Variants in SLC24A2 observed in about 807,000 individuals in gnomAD.
SLC24A2 encodes solute carrier family 24 member 2, also known as sodium/potassium/calcium exchanger 2.
Under a neutral mutation model 62.0 loss-of-function variants are expected in SLC24A2, and 36 were observed. The observed-to-expected ratio is 0.58, with a 90% CI of 0.44 to 0.77. SLC24A2 has a LOEUF of 0.77. Among genes scored for constraint, SLC24A2 ranks in the 30% least tolerant of loss-of-function variants. The pLI is 0.00. For missense variants in SLC24A2, 846 were observed against 817.9 expected, an observed-to-expected ratio of 1.03 and a Z score of -0.42; for synonymous variants, 358 against 294.0, an observed-to-expected ratio of 1.22 and a Z score of -2.23.
the SLC24A2 span, among the ~76,000 whole-genome samples, chr9:20,269,042 A>G: frequency 1.8e-4 from 27 of 152,218 alleles, no homozygotes; most frequent in African/African-American, 6.0e-4. Context: ...TTAGCAGTTA[A>G]GGATGCAATA....
At chr9:19,925,974 T>G in the SLC24A2 span, 1 of 152,158 alleles carries the variant, frequency 6.6e-6, no homozygotes, top group African/African-American at 2.4e-5. Context: ...TGTTCTTTAA[T>G]TGCACAGTAT....
chr9:19,820,609 A>C, the SLC24A2 span, among the ~76,000 whole-genome samples: 1 of 151,934 alleles, frequency 6.6e-6, no homozygotes, highest in African/African-American at 2.4e-5. Flanking sequence ...GAAAAACTTT[A>C]ATTAAAAAAA....
chr9:19,533,655 C>T (rs538463772), intron 8 of SLC24A2, among the ~76,000 whole-genome samples: 1 of 152,180 alleles, frequency 6.6e-6, no homozygotes, highest in South Asian at 2.1e-4. Flanking sequence ...CTGTACCAAC[C>T]AGCTCCCAGC....
the SLC24A2 span, among the ~76,000 whole-genome samples, chr9:19,941,484 C>G: frequency 3.3e-3 from 495 of 152,080 alleles, no homozygotes; most frequent in South Asian, 6.9e-3. Context: ...AACTCCACCT[C>G]CACCCACTAC....
At chr9:20,003,577 G>A in the SLC24A2 span, among the ~76,000 whole-genome samples, 15 of 152,098 alleles carry the variant, frequency 9.9e-5, no homozygotes, top group East Asian at 1.9e-4. Flanking sequence ...GTTCAAAAAC[G>A]GGGTATGATT....
chr9:20,001,008 C>A, the SLC24A2 span, among the ~76,000 whole-genome samples: 44 of 152,178 alleles, frequency 2.9e-4, no homozygotes, highest in Non-Finnish European at 5.4e-4. Flanking sequence ...GCAAAGATCA[C>A]GTTTTGAGGC....
At chr9:19,844,028 T>C in the SLC24A2 span, among the ~76,000 whole-genome samples, 43 of 152,224 alleles carry the variant, frequency 2.8e-4, no homozygotes, top group South Asian at 6.2e-4. Flanking sequence ...TATTGTCTTT[T>C]GGATATATAC....
At chr9:19,836,982 C>T in the SLC24A2 span, among the ~76,000 whole-genome samples, 17 of 152,020 alleles carry the variant, frequency 1.1e-4, no homozygotes, top group African/African-American at 2.7e-4. Flanking sequence ...AAAAACCACA[C>T]GATTATCTCA....
the SLC24A2 span, among the ~76,000 whole-genome samples, chr9:20,077,149 A>G: frequency 6.6e-6 from 1 of 151,992 alleles, no homozygotes; most frequent in Non-Finnish European, 1.5e-5. Flanking sequence ...TGTGGTGAGG[A>G]ATAAATGGGG....
chr9:19,863,744 T>C, the SLC24A2 span, among the ~76,000 whole-genome samples: 2 of 151,006 alleles, frequency 1.3e-5, no homozygotes, highest in East Asian at 1.9e-4. Context: ...AGTGCCCACA[T>C]CAAAAAAGAA....
At chr9:20,050,435 T>C in the SLC24A2 span, among the ~76,000 whole-genome samples, 1 of 151,770 alleles carries the variant, frequency 6.6e-6, no homozygotes, top group South Asian at 2.1e-4. Flanking sequence ...AATAAAGCCA[T>C]CCATTAGCAA....
the SLC24A2 span, among the ~76,000 whole-genome samples, chr9:20,288,294 T>A: frequency 6.6e-6 from 1 of 152,198 alleles, no homozygotes; most frequent in South Asian, 2.1e-4. Context: ...CATATGGCAG[T>A]TTGTATTTTC....
At chr9:19,675,851 C>G (rs145786962) in intron 2 of SLC24A2, among the ~76,000 whole-genome samples, 172 of 152,260 alleles carry the variant, frequency 1.1e-3, no homozygotes, top group African/African-American at 3.9e-3. Context: ...TCCCTATTCA[C>G]CCCCTCCCCT....
the SLC24A2 span, among the ~76,000 whole-genome samples, chr9:19,834,267 A>G: frequency 6.6e-6 from 1 of 152,148 alleles, no homozygotes; most frequent in Non-Finnish European, 1.5e-5. Flanking sequence ...TCAGAAGATC[A>G]AACTACTCTG....
the SLC24A2 span, among the ~76,000 whole-genome samples, chr9:19,910,802 G>A: frequency 1.3e-5 from 2 of 151,880 alleles, no homozygotes; most frequent in Admixed American, 1.3e-4. Context: ...GGGAAGAATT[G>A]TTGTTCTTCC....
At chr9:19,792,560 A>G (rs1001735471), upstream of SLC24A2, among the ~76,000 whole-genome samples, 2 of 130,410 alleles carry the variant, frequency 1.5e-5, no homozygotes, top group South Asian at 2.3e-4. Flanking sequence ...AAAAAAAAAA[A>G]TGCTGGGTGT....
intron 4 of SLC24A2, among the ~76,000 whole-genome samples, chr9:19,607,709 ACT>A (rs1837030564): frequency 7.8e-6 from 1 of 128,630 alleles, no homozygotes; most frequent in East Asian, 2.2e-4. Context: ...ATAGAGTGAG[ACT>A]CTGTCTCAAA....
At chr9:19,785,232 T>C (rs1468722991) in intron 2 of SLC24A2, among the ~76,000 whole-genome samples, 3 of 152,216 alleles carry the variant, frequency 2.0e-5, no homozygotes, top group African/African-American at 7.2e-5. Flanking sequence ...ATGGCCACGA[T>C]TGTTATTAAA....
chr9:19,941,556 A>AGTGTGTGTGTGTGT, the SLC24A2 span, among the ~76,000 whole-genome samples: 9 of 134,162 alleles, frequency 6.7e-5, no homozygotes, highest in East Asian at 6.4e-4. Flanking sequence ...GAGGACTGGG[A>AGTGTGTGTGTGTGT]GTGTGTGTGT....
Sources: gnomAD v4.1 joint callset for allele counts (sites outside exome capture counted in the v4.1 genomes callset) on GRCh38, gnomAD v4.1.1 for gene constraint, MANE v1.5 for transcripts, NCBI Gene and HGNC (gene_info 2026-07-23, HGNC 2026-07-21) for gene names.